The following ADCK1 variants were observed in gnomAD, a reference collection of about 807,000 sequenced individuals.
ADCK1 encodes aarF domain-containing protein kinase 1.
ADCK1 carries 41 observed loss-of-function variants against 52.3 expected under a neutral mutation model. The observed-to-expected ratio is 0.78, with a 90% CI of 0.61 to 1.02. The LOEUF (loss-of-function observed/expected upper bound fraction) is 1.02, where lower values mean the gene tolerates loss of function less well. Among genes scored for constraint, ADCK1 ranks in the 50% least tolerant of loss-of-function variants. The probability of loss-of-function intolerance (pLI) is 0.00; values close to 1 mark genes in which losing one functional copy is unlikely to be tolerated. For missense variants in ADCK1, 658 were observed against 679.5 expected, an observed-to-expected ratio of 0.97 and a Z score of 0.35; for synonymous variants, 250 against 274.6, an observed-to-expected ratio of 0.91 and a Z score of 0.89.
At chr14:77,930,242 A>T (rs573564536) in intron 9 of ADCK1, among the ~76,000 whole-genome samples, 17 of 152,292 alleles carry the variant, frequency 1.1e-4, no homozygotes, top group Admixed American at 1.1e-3. Context: ...TTCCTGCCTG[A>T]GAGGCAGTTC....
chr14:77,823,090 A>G (rs2081616087), intron 3 of ADCK1, among the ~76,000 whole-genome samples: 1 of 152,100 alleles, frequency 6.6e-6, no homozygotes, highest in African/African-American at 2.4e-5. Flanking sequence ...TGAGCTGTCA[A>G]CCCCAAACTC....
At chr14:77,922,305 T>G (rs566257360) in intron 7 of ADCK1, among the ~76,000 whole-genome samples, 19 of 152,298 alleles carry the variant, frequency 1.2e-4, no homozygotes, top group African/African-American at 4.6e-4. Flanking sequence ...TGGGGCAAAG[T>G]CCTGCTCCTA....
rs1194523889 is a variant in ADCK1 at position 77,824,666 on chromosome 14, T to TCA, written c.219+2149_219+2150dup. On this transcript the variant is annotated intron_variant, in intron 3 of 10. Transcript: ENST00000238561. ...CCAGGCTGCTCTCGAACTCCTGACC[T>TCA]CAAGTGATCCACCCACCTTGGCCTC... 2.0e-5 allele frequency among the ~76,000 whole-genome samples: 3 copies of TCA among 151,736 alleles called. No homozygotes were observed. The East Asian group carries it at 5.8e-4, about 29-fold the overall frequency.
rs118003737 is a variant in ADCK1 at position 77,900,868 on chromosome 14, C to A, written c.741+1610C>A. ...AAACAAGTATTATAGCAGAACTGTTCTATGTAATAAGAGACACTTAATGTG... is the reference window on the plus strand; with the variant it reads ...AAACAAGTATTATAGCAGAACTGTTATATGTAATAAGAGACACTTAATGTG... On this transcript the variant is annotated intron_variant, in intron 6 of 10. Coordinates refer to ENST00000238561, the MANE Select transcript of ADCK1 (RefSeq NM_020421.4). Among the ~76,000 whole-genome samples, 49 of 152,224 alleles carry A rather than the reference C, an allele frequency of 3.2e-4. 1 individual carries two copies. The East Asian group carries it at 9.3e-3, about 29-fold the overall frequency.
At chr14:77,908,042 A>G (rs1371425080) in intron 7 of ADCK1, 123 bp downstream of exon 7, 1 of 732,154 alleles carries the variant, frequency 1.4e-6, no homozygotes, top group Admixed American at 2.5e-5. Context: ...AATAGGGCCC[A>G]TTGTCTGGAG....
At chr14:77,847,064 G>A (rs1314238531) in intron 3 of ADCK1, among the ~76,000 whole-genome samples, 4 of 152,180 alleles carry the variant, frequency 2.6e-5, no homozygotes, top group Admixed American at 2.6e-4. Flanking sequence ...GTGAAGGGAG[G>A]CAGGCTTGGG....
chr14:77,905,495 A>G (rs1004894096), intron 6 of ADCK1, among the ~76,000 whole-genome samples: 18 of 149,710 alleles, frequency 1.2e-4, no homozygotes, highest in East Asian at 2.1e-4. Context: ...CACTGCGCCC[A>G]GCCCCTCGCT....
intron 6 of ADCK1, among the ~76,000 whole-genome samples, chr14:77,900,070 C>G (rs148957234): frequency 1.5e-5 from 1 of 67,094 alleles, no homozygotes; most frequent in African/African-American, 4.7e-5. Context: ...AACTCCGTCT[C>G]AAAAAAAAAA....
chr14:77,889,726 C>A (rs143800363), intron 5 of ADCK1, among the ~76,000 whole-genome samples: 1 of 152,196 alleles, frequency 6.6e-6, no homozygotes, highest in East Asian at 1.9e-4. Context: ...AATGCAGCAA[C>A]CAAATAGGGT....
At chr14:77,818,332 AGT>A (rs2081507385) in intron 1 of ADCK1, among the ~76,000 whole-genome samples, 1 of 151,748 alleles carries the variant, frequency 6.6e-6, no homozygotes, top group South Asian at 2.1e-4. Context: ...CCCAGGCTGG[AGT>A]GTGGTGGCAC....
At chr14:77,921,960 C>G (rs2084072282) in intron 7 of ADCK1, among the ~76,000 whole-genome samples, 1 of 152,196 alleles carries the variant, frequency 6.6e-6, no homozygotes, top group Non-Finnish European at 1.5e-5. Flanking sequence ...TGTCATTTCT[C>G]TCATTTTTTG....
At chr14:77,846,597 A>G (rs1391424912) in intron 3 of ADCK1, among the ~76,000 whole-genome samples, 1 of 152,118 alleles carries the variant, frequency 6.6e-6, no homozygotes, top group East Asian at 1.9e-4. Context: ...TTTTTGGGAA[A>G]AACCCCTGTT....
intron 4 of ADCK1, among the ~76,000 whole-genome samples, chr14:77,879,454 T>C (rs2082972100): frequency 6.6e-6 from 1 of 152,118 alleles, no homozygotes; most frequent in Admixed American, 6.5e-5. Context: ...GAAGGGAGCC[T>C]TTTGGCCAGA....
At chr14:77,863,963 A>AATGCTTATATTGCTC (rs2082607947) in intron 4 of ADCK1, among the ~76,000 whole-genome samples, 2 of 152,168 alleles carry the variant, frequency 1.3e-5, no homozygotes, top group Admixed American at 1.3e-4. Flanking sequence ...GGCATGGAGC[A>AATGCTTATATTGCTC]CAGAAATACC....
chr14:77,878,932 C>CG (rs397786233), intron 4 of ADCK1, among the ~76,000 whole-genome samples: 8 of 152,058 alleles, frequency 5.3e-5, no homozygotes, highest in Non-Finnish European at 8.8e-5. Context: ...CTTCCCCCCC[C>CG]ACGAATGAAT....
chr14:77,810,799 G>A (rs762621750), intron 1 of ADCK1, among the ~76,000 whole-genome samples: 26 of 152,196 alleles, frequency 1.7e-4, no homozygotes, highest in Admixed American at 3.9e-4. Context: ...CCAAAGTGCT[G>A]GGATTACAGG....
At chr14:77,815,433 C>T (rs1214846068) in intron 1 of ADCK1, among the ~76,000 whole-genome samples, 1 of 151,782 alleles carries the variant, frequency 6.6e-6, no homozygotes, top group East Asian at 1.9e-4. Context: ...TGGTCTTGAA[C>T]TCCTAGGCCC....
At chr14:77,926,043 G>T in intron 9 of ADCK1, 82 bp downstream of exon 9, 1 of 1,524,608 alleles carries the variant, frequency 6.6e-7, no homozygotes, top group Non-Finnish European at 9.0e-7. Flanking sequence ...TTCCAAGTAA[G>T]GTCTAAGAGT....
At chr14:77,864,794 C>T (rs924312123) in intron 4 of ADCK1, among the ~76,000 whole-genome samples, 10 of 152,108 alleles carry the variant, frequency 6.6e-5, no homozygotes, top group Admixed American at 6.6e-4. Context: ...TGCAGAGTGG[C>T]CCAGCAGGCT....
Sources: allele counts gnomAD v4.1 joint callset (sites outside exome capture counted in the v4.1 genomes callset), GRCh38; gene constraint gnomAD v4.1.1; transcripts MANE v1.5; gene names NCBI Gene and HGNC (gene_info 2026-07-23, HGNC 2026-07-21).